Variants in GMDS observed in about 807,000 individuals in gnomAD.
GMDS encodes the protein GDP-mannose 4,6-dehydratase.
GMDS carries 20 observed loss-of-function variants against 49.9 expected under a neutral mutation model. That is an observed-to-expected ratio of 0.40 (90% confidence interval 0.28 to 0.58). GMDS has a LOEUF of 0.58. Among genes scored for constraint, GMDS ranks in the 20% least tolerant of loss-of-function variants. The probability of loss-of-function intolerance (pLI) is 0.42; values close to 1 mark genes in which losing one functional copy is unlikely to be tolerated. For missense variants in GMDS, 362 were observed against 481.4 expected, an observed-to-expected ratio of 0.75 and a Z score of 2.32; for synonymous variants, 177 against 178.6, an observed-to-expected ratio of 0.99 and a Z score of 0.07.
At chr6:2,194,851 A>C (rs1309960909) in intron 1 of GMDS, among the ~76,000 whole-genome samples, 3 of 152,254 alleles carry the variant, frequency 2.0e-5, no homozygotes, top group Non-Finnish European at 1.5e-5. Context: ...CAGGACAATT[A>C]GTACAGTCAA....
chr6:1,729,227 T>A lies in GMDS; in HGVS notation c.891-2715A>T, dbSNP rs547260865. ...AACACTAGCTGAAATGGGAAAAGGC[T>A]GAAGGAGAAACACTCCCTCTCTGAG... On this transcript the variant is annotated intron_variant, in intron 8 of 10. Transcript: ENST00000380815. Among the ~76,000 whole-genome samples the A allele has an allele frequency of 1.1e-4, 16 of 152,286 alleles. 1 individual carries two copies. The South Asian group carries it at 1.7e-3, about 16-fold the overall frequency.
chr6:2,180,625 T>C (rs1287449552), intron 1 of GMDS, among the ~76,000 whole-genome samples: 1 of 152,172 alleles, frequency 6.6e-6, no homozygotes, highest in African/African-American at 2.4e-5. Context: ...GTGGAATTAG[T>C]TGAGACATAA....
At chr6:1,902,861 A>G (rs1716380273) in intron 7 of GMDS, among the ~76,000 whole-genome samples, 1 of 152,230 alleles carries the variant, frequency 6.6e-6, no homozygotes, top group African/African-American at 2.4e-5. Context: ...TTTCAGGTCT[A>G]GAATTTAAAC....
intron 7 of GMDS, among the ~76,000 whole-genome samples, chr6:1,759,699 T>A (rs1768087758): frequency 6.6e-6 from 1 of 152,074 alleles, no homozygotes; most frequent in Non-Finnish European, 1.5e-5. Flanking sequence ...GGAAAAAGCG[T>A]TTTAAAAGTC....
At chr6:2,059,768 A>C (rs1771031430) in intron 4 of GMDS, among the ~76,000 whole-genome samples, 1 of 148,962 alleles carries the variant, frequency 6.7e-6, no homozygotes, top group African/African-American at 2.5e-5. Context: ...AAATGTATTT[A>C]ATCCTTAAAT....
intron 7 of GMDS, among the ~76,000 whole-genome samples, chr6:1,901,262 G>A (rs990527947): frequency 1.3e-4 from 20 of 152,208 alleles, no homozygotes; most frequent in African/African-American, 4.8e-4. Flanking sequence ...CTCCACGACC[G>A]TGGAACATAA....
At chr6:2,149,517 G>T (rs1230377648) in intron 1 of GMDS, among the ~76,000 whole-genome samples, 1 of 152,022 alleles carries the variant, frequency 6.6e-6, no homozygotes, top group Non-Finnish European at 1.5e-5. Context: ...CTGAACCTAG[G>T]TCCATTAAAA....
chr6:1,922,816 G>A (rs1581367055), intron 7 of GMDS, among the ~76,000 whole-genome samples: 1 of 152,294 alleles, frequency 6.6e-6, no homozygotes, highest in East Asian at 1.9e-4. Context: ...TCTCTGCTGA[G>A]AGCCATTTCC....
At chr6:1,999,052 G>C (rs980552707) in intron 4 of GMDS, among the ~76,000 whole-genome samples, 1 of 152,022 alleles carries the variant, frequency 6.6e-6, no homozygotes, top group African/African-American at 2.4e-5. Flanking sequence ...GGCCAGGTGC[G>C]GTGGCTCACG....
At chr6:1,715,485 G>C (rs1208172295) in intron 9 of GMDS, among the ~76,000 whole-genome samples, 1 of 152,218 alleles carries the variant, frequency 6.6e-6, no homozygotes, top group East Asian at 1.9e-4. Context: ...AGGACCCCAG[G>C]TGGAAATGAC....
chr6:2,036,173 C>G (rs758168756), intron 4 of GMDS, among the ~76,000 whole-genome samples: 42 of 152,126 alleles, frequency 2.8e-4, no homozygotes, highest in Admixed American at 5.2e-4. Context: ...CCTGAACTCC[C>G]TTTTCAAGTC....
chr6:1,667,010 G>A (rs1191461185), intron 9 of GMDS, among the ~76,000 whole-genome samples: 8 of 152,218 alleles, frequency 5.3e-5, no homozygotes, highest in Non-Finnish European at 1.0e-4. Flanking sequence ...AGAACTCAGC[G>A]AGAAGAGCAA....
rs888240313 is a variant in GMDS, at chr6:1,742,484, T to C, written c.874A>G (p.Ile292Val). The C allele has an allele frequency of 1.1e-5, 17 of 1,594,912 alleles. 1 individual carries two copies. Among genetic ancestry groups the C allele is most frequent in the Middle Eastern group, 1.7e-4 (1 of 6,028 alleles). The change falls in exon 8 of 11, where the codon ATT (isoleucine) becomes GTT (valine). Residue 292 changes from isoleucine (I) to valine (V), a missense_variant. Coordinates refer to ENST00000380815, the MANE Select transcript of GMDS (RefSeq NM_001500.4). The part of the protein sequence containing the change: ...REFVEKSFLH[I>V]GKTIVWEGKN... ...TATACTTACACAATGGTTTTTCCAA[T>C]GTGCAAGAATGATTTCTCGACAAAT...
intron 7 of GMDS, among the ~76,000 whole-genome samples, chr6:1,773,704 T>C (rs762370573): frequency 1.8e-4 from 27 of 152,220 alleles, no homozygotes; most frequent in Non-Finnish European, 3.8e-4. Flanking sequence ...ACCGTTTCAC[T>C]CCTCTTGAGA....
At chr6:1,858,961 G>A (rs1561849759) in intron 7 of GMDS, among the ~76,000 whole-genome samples, 1 of 125,818 alleles carries the variant, frequency 7.9e-6, no homozygotes, top group Non-Finnish European at 1.7e-5. Flanking sequence ...CTTTTTTTGT[G>A]TTTTGGGGGG....
At chr6:1,703,069 G>A (rs1219919305) in intron 9 of GMDS, among the ~76,000 whole-genome samples, 1 of 152,204 alleles carries the variant, frequency 6.6e-6, no homozygotes, top group Non-Finnish European at 1.5e-5. Context: ...TTGGGGGAAG[G>A]AAGCCGAGAT....
intron 6 of GMDS, among the ~76,000 whole-genome samples, chr6:1,950,786 T>C (rs1380837191): frequency 6.6e-6 from 1 of 152,106 alleles, no homozygotes; most frequent in Non-Finnish European, 1.5e-5. Context: ...GCAAGCACAT[T>C]TGGAAGGATG....
chr6:2,159,717 C>A (rs1009270747), intron 1 of GMDS, among the ~76,000 whole-genome samples: 2 of 151,532 alleles, frequency 1.3e-5, no homozygotes, highest in Non-Finnish European at 2.9e-5. Flanking sequence ...TGGGGTTTCA[C>A]CATGTTGGCC....
chr6:1,763,061 T>C (rs1000068160), intron 7 of GMDS, among the ~76,000 whole-genome samples: 4 of 152,350 alleles, frequency 2.6e-5, no homozygotes, highest in African/African-American at 7.2e-5. Context: ...GTGGTAATTA[T>C]ACTTTCTGCT....
Sources: gnomAD v4.1 joint callset for allele counts (sites outside exome capture counted in the v4.1 genomes callset) on GRCh38, gnomAD v4.1.1 for gene constraint, MANE v1.5 for transcripts, NCBI Gene and HGNC (gene_info 2026-07-23, HGNC 2026-07-21) for gene names.